DSG4: variants seen among roughly 807,000 people sequenced by gnomAD.
DSG4 encodes desmoglein 4, also known as desmoglein-4.
DSG4 carries 87 observed loss-of-function variants against 93.1 expected under a neutral mutation model. The observed-to-expected ratio is 0.93, with a 90% CI of 0.79 to 1.12. DSG4 has a LOEUF of 1.12. Among genes scored for constraint, DSG4 ranks in the 50% most tolerant of loss-of-function variants. The pLI is 0.00. For synonymous variants in DSG4, 432 were observed against 452.9 expected, an observed-to-expected ratio of 0.95 and a Z score of 0.59; for missense variants, 1,373 against 1,285.7, an observed-to-expected ratio of 1.07 and a Z score of -1.04.
chr18:31,406,385 A>G lies in DSG4; in HGVS notation c.1933+12A>G, dbSNP rs117592021. The G allele has an allele frequency of 5.0e-3, 8,109 of 1,614,024 alleles. 32 individuals are homozygous for G. The highest frequency in any genetic ancestry group is 6.0e-3 in the Non-Finnish European group (7,112 of 1,180,012). ...CCTGCTACTGATTTGTAAGTACTCAATTAAATCCTTCTTTTCAATAGTTCT... is the reference window on the plus strand; with the variant it reads ...CCTGCTACTGATTTGTAAGTACTCAGTTAAATCCTTCTTTTCAATAGTTCT... On this transcript the variant is annotated intron_variant, in intron 12 of 15. Coordinates refer to ENST00000308128, the MANE Select transcript of DSG4 (RefSeq NM_177986.5).
intron 3 of DSG4, among the ~76,000 whole-genome samples, chr18:31,387,231 A>G (rs1440074914): frequency 6.6e-6 from 1 of 152,196 alleles, no homozygotes; most frequent in Non-Finnish European, 1.5e-5. Context: ...AGATCTCTAC[A>G]TCCAGAAAAT....
chr18:31,407,114 T>C (rs1007116882), intron 12 of DSG4, among the ~76,000 whole-genome samples: 1 of 151,826 alleles, frequency 6.6e-6, no homozygotes, highest in East Asian at 1.9e-4. Flanking sequence ...CTAAGGAAAT[T>C]TGAAAGGTAA....
chr18:31,393,279 T>C (rs1191423295), intron 8 of DSG4, among the ~76,000 whole-genome samples: 2 of 152,202 alleles, frequency 1.3e-5, no homozygotes, highest in Non-Finnish European at 2.9e-5. Context: ...TCTGTTACTA[T>C]TTTTCTCTAT....
rs142656757 is a variant in DSG4 at position 31,413,110 on chromosome 18, T to C, written c.2638T>C (p.Ser880Pro). Residue 880 changes from serine (S) to proline (P), a missense_variant, in exon 16 of 16, where the codon TCT becomes CCT. Ser to Pro is a moderately conservative substitution (Grantham distance 74, BLOSUM62 -1). Coordinates refer to ENST00000308128, the MANE Select transcript of DSG4 (RefSeq NM_177986.5). ...LLGPNYFVNESSGLTPSEVEF... is the reference protein window; with the variant it reads ...LLGPNYFVNEPSGLTPSEVEF... The stretch of plus-strand genomic sequence containing the variant: ...CGGACCTAATTACTTTGTTAATGAA[T>C]CTTCAGGATTGACTCCCTCAGAAGT... 9 of 1,614,034 alleles carry C rather than the reference T, an allele frequency of 5.6e-6. No homozygotes were observed. The African/African-American group carries it at 1.1e-4, about 19-fold the overall frequency.
intron 7 of DSG4, among the ~76,000 whole-genome samples, chr18:31,391,857 T>C (rs1413030425): frequency 6.6e-6 from 1 of 151,470 alleles, no homozygotes; most frequent in Non-Finnish European, 1.5e-5. Context: ...TGGTCCTCTA[T>C]CTAAAAGAAA....
At chr18:31,406,461 C>T in intron 12 of DSG4, 88 bp downstream of exon 12, 1 of 1,544,914 alleles carries the variant, frequency 6.5e-7, no homozygotes, top group Non-Finnish European at 8.9e-7. Flanking sequence ...TTCATGGAGC[C>T]ATTTCTTTTT....
intron 1 of DSG4, among the ~76,000 whole-genome samples, chr18:31,379,469 T>C (rs906821973): frequency 3.3e-5 from 5 of 152,206 alleles, no homozygotes; most frequent in Admixed American, 6.5e-5. Context: ...ATAAATTTTA[T>C]AAGGAAGGAA....
chr18:31,392,453 A>G lies in DSG4; in HGVS notation c.1005+113A>G. The G allele has an allele frequency of 2.6e-6, 3 of 1,141,156 alleles. No homozygotes were observed. The South Asian group carries it at 4.0e-5, about 15-fold the overall frequency. 70.7% of individuals were successfully genotyped at this position (1,141,156 alleles called of 1,614,324 possible). On this transcript the variant is annotated intron_variant, in intron 8 of 15. Transcript: ENST00000308128. ...AAAAAAAAGTACTTCATAACTTTGAATATTGTTTATATCAAGGGTCCTAAG... is the reference window on the plus strand; with the variant it reads ...AAAAAAAAGTACTTCATAACTTTGAGTATTGTTTATATCAAGGGTCCTAAG...
Position 31,399,405 on chromosome 18 carries a change from GAGA to G in DSG4, c.1142_1144del (p.Glu381del), listed in dbSNP as rs747694229. ...GTGAGAATTCAAGTTGTTGATGTGA[GAGA>G]AGGACCTGCATTTCATCCAAGTACT... is the stretch of plus-strand genomic sequence containing the variant. On this transcript the variant is annotated inframe_deletion, in exon 9 of 16. Transcript: ENST00000308128. The G allele has an allele frequency of 5.9e-5, 96 of 1,614,112 alleles. No individual in the cohort carries two copies. The highest frequency in any genetic ancestry group is 1.0e-4 in the Admixed American group (6 of 60,022).
intron 8 of DSG4, among the ~76,000 whole-genome samples, chr18:31,395,997 T>A (rs1457680051): frequency 6.6e-6 from 1 of 152,322 alleles, no homozygotes; most frequent in South Asian, 2.1e-4. Context: ...ATATGGTCCC[T>A]GTTCTCAAGG....
At chr18:31,391,630 A>G (rs553680004) in intron 7 of DSG4, among the ~76,000 whole-genome samples, 28 of 152,072 alleles carry the variant, frequency 1.8e-4, no homozygotes, top group Non-Finnish European at 4.0e-4. Flanking sequence ...CCACACTAGC[A>G]GGGCCAAATC....
rs2072538700 is a variant in DSG4, at chr18:31,414,862, G to A, written c.*1267G>A. 8.1e-6 allele frequency: 1 copy of A among 123,892 alleles called. No homozygotes were observed. The highest frequency in any genetic ancestry group is 1.9e-5 in the Non-Finnish European group (1 of 52,226). The allele number at this position is 123,892 out of a possible 1,614,324, so 7.7% of individuals were successfully genotyped here. A position where few individuals can be genotyped will look rare whatever the true frequency, so the allele number is the denominator to read the frequency against. On this transcript the variant is annotated 3_prime_UTR_variant, in exon 16 of 16. Coordinates refer to ENST00000308128, the MANE Select transcript of DSG4 (RefSeq NM_177986.5). ...GCAGCAATAATGTGACTGAGATAAT[G>A]TAAATGAAATAAACTTATTTTCAAG...
At chr18:31,393,350 T>C (rs535526813) in intron 8 of DSG4, among the ~76,000 whole-genome samples, 10 of 152,276 alleles carry the variant, frequency 6.6e-5, no homozygotes, top group South Asian at 6.2e-4. Flanking sequence ...GGGTAATTTA[T>C]AAAGAAAAGA....
At chr18:31,388,780 A>C (rs1033001644) in intron 4 of DSG4, 94 bp from the exon 5 acceptor site, 1 of 1,587,526 alleles carries the variant, frequency 6.3e-7, no homozygotes, top group Non-Finnish European at 8.6e-7. Flanking sequence ...TCACTGGAAA[A>C]AATTGTTTCT....
rs775987473 is a variant in DSG4 at position 31,413,560 on chromosome 18, A to G, written c.3088A>G (p.Thr1030Ala). ...TSPMTSRHRV[T>A]RYSNIHYTQQ ...CCCCATGACATCTCGACACAGAGTA[A>G]CACGATACAGTAACATACATTACAC... Residue 1030 changes from threonine (T) to alanine (A), a missense_variant, in exon 16 of 16, where the codon ACA becomes GCA. Transcript: ENST00000308128. 3 of 1,613,990 alleles carry G rather than the reference A, an allele frequency of 1.9e-6. No individual in the cohort carries two copies. Among genetic ancestry groups the G allele is most frequent in the Non-Finnish European group, 2.5e-6 (3 of 1,180,006 alleles).
At chr18:31,396,253 A>T (rs972050054) in intron 8 of DSG4, among the ~76,000 whole-genome samples, 5 of 151,952 alleles carry the variant, frequency 3.3e-5, no homozygotes, top group African/African-American at 4.8e-5. Flanking sequence ...TTATTAAGCA[A>T]TTACTAAACA....
At chr18:31,410,186 T>G (rs537751554) in intron 14 of DSG4, among the ~76,000 whole-genome samples, 3 of 152,248 alleles carry the variant, frequency 2.0e-5, no homozygotes, top group Non-Finnish European at 4.4e-5. Context: ...GGATTCTTGA[T>G]TATTGGATTT....
chr18:31,409,579 T>A lies in DSG4; in HGVS notation c.2061T>A (p.His687Gln). 2 of 1,614,162 alleles carry A rather than the reference T, an allele frequency of 1.2e-6. No individual in the cohort carries two copies. Among genetic ancestry groups the A allele is most frequent in the Non-Finnish European group, 1.7e-6 (2 of 1,180,032 alleles). The change falls in exon 13 of 16, where the codon CAT becomes CAA. Residue 687 changes from histidine to glutamine, a missense_variant. His to Gln is a conservative substitution (Grantham distance 24). Coordinates refer to ENST00000308128, the MANE Select transcript of DSG4 (RefSeq NM_177986.5). ...AGTCTTGGAGAATTGAAGGGGCCCA[T>A]CCCGAGGACAGGGTAAGTGGACTGT... ...VMQSWRIEGAHPEDRDVSNIC... is the reference protein window; with the variant it reads ...VMQSWRIEGAQPEDRDVSNIC...
At position 31,399,411 on chromosome 18, in the gene DSG4, G is replaced by C. The variant is rs1390687224; in HGVS notation, c.1145G>C (p.Gly382Ala). ...ATTCAAGTTGTTGATGTGAGAGAAG[G>C]ACCTGCATTTCATCCAAGTACTATG... ...VRIQVVDVRE[G>A]PAFHPSTMAF... Residue 382 changes from glycine (G) to alanine (A), a missense_variant, in exon 9 of 16, where the codon GGA becomes GCA. Gly to Ala is a moderately conservative substitution (Grantham distance 60). Coordinates refer to ENST00000308128, the MANE Select transcript of DSG4 (RefSeq NM_177986.5). The C allele has an allele frequency of 2.5e-6, 4 of 1,614,084 alleles. No individual in the cohort carries two copies. Among genetic ancestry groups the C allele is most frequent in the Non-Finnish European group, 3.4e-6 (4 of 1,179,970 alleles).
Sources: allele counts gnomAD v4.1 joint callset (sites outside exome capture counted in the v4.1 genomes callset), GRCh38; gene constraint gnomAD v4.1.1; transcripts MANE v1.5; gene names NCBI Gene and HGNC (gene_info 2026-07-23, HGNC 2026-07-21).